Variants in RIMS1 observed in about 807,000 individuals in gnomAD.
The protein encoded by RIMS1 is regulating synaptic membrane exocytosis protein 1.
Under a neutral mutation model 214.1 loss-of-function variants are expected in RIMS1, and 83 were observed. The observed-to-expected ratio is 0.39, with a 90% confidence interval of 0.32 to 0.47. The LOEUF (loss-of-function observed/expected upper bound fraction) is 0.47, where lower values mean the gene tolerates loss of function less well. RIMS1 is among the 20% of genes least tolerant of loss of function. RIMS1 has a pLI of 0.99. For missense variants in RIMS1, 2,050 were observed against 2,161.8 expected (o/e 0.95, Z 1.03); for synonymous variants, 793 against 786.8 (o/e 1.01, Z -0.13).
At position 72,265,500 on chromosome 6, in the gene RIMS1, T is replaced by C; in HGVS notation, c.3305T>C (p.Val1102Ala). The change falls in exon 21 of 34, where the codon GTT becomes GCT. Residue 1102 changes from valine to alanine, a missense_variant. Coordinates refer to ENST00000521978, the MANE Select transcript of RIMS1 (RefSeq NM_014989.7). ...TVLRFTDEIL[V>A]SELQPFLDRA... is the part of the protein sequence containing the mutation. Reference sequence around the variant, plus strand: ...TTGAGATTTACTGATGAAATACTGGTTAGGTAAGAACATTTGGAAGTGATA... The same window carrying C: ...TTGAGATTTACTGATGAAATACTGGCTAGGTAAGAACATTTGGAAGTGATA... 1 of 1,529,602 alleles carries C rather than the reference T, an allele frequency of 6.5e-7. No homozygotes were observed. The highest frequency in any genetic ancestry group is 9.0e-7 in the Non-Finnish European group (1 of 1,105,682). 94.8% of individuals were successfully genotyped at this position (1,529,602 alleles called of 1,614,324 possible).
intron 4 of RIMS1, 164 bp from the exon 5 acceptor site, chr6:72,179,411 A>G: frequency 1.4e-6 from 1 of 697,588 alleles, no homozygotes; most frequent in East Asian, 2.8e-5. Flanking sequence ...CTAGGCATTC[A>G]TATATTTGAC....
At chr6:72,252,873 T>G (rs752032113) in intron 16 of RIMS1, 41 bp downstream of exon 16, 89 of 1,471,544 alleles carry the variant, frequency 6.0e-5, no homozygotes, top group Non-Finnish European at 8.0e-5. Flanking sequence ...ACTGTGCTGC[T>G]TTGCTTGTTT....
chr6:72,392,860 C>A (rs1564834858), intron 31 of RIMS1, 50 bp downstream of exon 31: 4 of 1,292,896 alleles, frequency 3.1e-6, no homozygotes, highest in Non-Finnish European at 3.3e-6. Context: ...TTGTGTTTGA[C>A]AAAGTCATTT....
chr6:72,182,935 G>A lies in RIMS1; in HGVS notation c.1464G>A (p.Lys488=). 6.3e-7 allele frequency: 1 copy of A among 1,587,014 alleles called. No homozygotes were observed. The highest frequency in any genetic ancestry group is 8.6e-7 in the Non-Finnish European group (1 of 1,168,004). The part of the protein sequence containing the change: ...PSSAVLMRKA[K]REKVETMLRN... The stretch of plus-strand genomic sequence containing the variant: ...CGGCGGTCCTCATGCGGAAGGCCAA[G>A]CGCGAGAAGGTGGAGACCATGCTGC... Residue 488 remains lysine (K), a synonymous_variant, in exon 6 of 34, where the codon AAG becomes AAA. Transcript: ENST00000521978.
intron 30 of RIMS1, among the ~76,000 whole-genome samples, chr6:72,391,834 A>G (rs990879437): frequency 8.5e-5 from 13 of 152,246 alleles, no homozygotes; most frequent in African/African-American, 2.7e-4. Flanking sequence ...TATACAAATG[A>G]GACTTGAACA....
At chr6:72,052,603 A>G (rs1825014993) in intron 2 of RIMS1, among the ~76,000 whole-genome samples, 1 of 152,178 alleles carries the variant, frequency 6.6e-6, no homozygotes, top group African/African-American at 2.4e-5. Flanking sequence ...ACCAACCTAG[A>G]TTTTGTATTT....
rs1386223041 is a variant in RIMS1, at chr6:72,283,902, GTTTA to G, written c.3483-140_3483-137del. On this transcript the variant is annotated intron_variant, in intron 23 of 33. Coordinates refer to ENST00000521978, the MANE Select transcript of RIMS1 (RefSeq NM_014989.7). ...TATTCATTCATTCATTCATTTATTT[GTTTA>G]TTTAGTTTTGAAAAGTACTGACTGA... is the stretch of plus-strand genomic sequence containing the variant. 23 of 581,346 alleles carry G rather than the reference GTTTA, an allele frequency of 4.0e-5. No homozygotes were observed. The Admixed American group carries it at 6.2e-4, about 16-fold the overall frequency. 36.0% of individuals were successfully genotyped at this position (581,346 alleles called of 1,614,324 possible). A position where few individuals can be genotyped will look rare whatever the true frequency, so the allele number is the denominator to read the frequency against.
intron 4 of RIMS1, among the ~76,000 whole-genome samples, chr6:72,109,639 C>T (rs2035598078): frequency 6.6e-6 from 1 of 151,998 alleles, no homozygotes; most frequent in Non-Finnish European, 1.5e-5. Flanking sequence ...AATTTTCTCC[C>T]ATTTTGTAGG....
intron 6 of RIMS1, among the ~76,000 whole-genome samples, chr6:72,227,158 T>A (rs1328468518): frequency 6.6e-6 from 1 of 152,024 alleles, no homozygotes; most frequent in Non-Finnish European, 1.5e-5. Flanking sequence ...TAGCATATAA[T>A]GTTGATGGAG....
intron 2 of RIMS1, among the ~76,000 whole-genome samples, chr6:71,992,679 G>A (rs902117943): frequency 1.4e-5 from 2 of 147,806 alleles, no homozygotes; most frequent in Non-Finnish European, 3.0e-5. Context: ...TTGAGGCTCA[G>A]TTTTACTCTG....
chr6:72,097,128 G>A lies in RIMS1; in HGVS notation c.425G>A (p.Arg142His). The A allele has an allele frequency of 1.2e-6, 2 of 1,613,966 alleles. No individual in the cohort carries two copies. Among genetic ancestry groups the A allele is most frequent in the Non-Finnish European group, 1.7e-6 (2 of 1,179,874 alleles). The change falls in exon 3 of 34, where the codon CGC (arginine) becomes CAC (histidine). Residue 142 changes from arginine to histidine, a missense_variant. This residue lies in a region of RIMS1 where 882 missense variants were observed against 828.9 expected (regional missense o/e 1.06). Coordinates refer to ENST00000521978, the MANE Select transcript of RIMS1 (RefSeq NM_014989.7). ...CSYCRTKFCA[R>H]CGGRVSLRSN... The stretch of plus-strand genomic sequence containing the variant: ...TATTGTCGCACTAAGTTCTGTGCGC[G>A]CTGCGGAGGCCGCGTGTCTCTACGG...
Position 72,145,876 on chromosome 6 carries a change from G to C in RIMS1, c.472-33699G>C, listed in dbSNP as rs192904608. ...GATTCTTATTGCACTTATGCAAATA[G>C]CTATATTGTCATAAGTTAAGAATAC... On this transcript the variant is annotated intron_variant, in intron 4 of 33. Coordinates refer to ENST00000521978, the MANE Select transcript of RIMS1 (RefSeq NM_014989.7). Among the ~76,000 whole-genome samples the C allele has an allele frequency of 3.9e-4, 59 of 152,344 alleles. No homozygotes were observed. The East Asian group carries it at 0.011, about 28-fold the overall frequency.
At chr6:72,028,192 G>A (rs1471922489) in intron 2 of RIMS1, among the ~76,000 whole-genome samples, 1 of 152,012 alleles carries the variant, frequency 6.6e-6, no homozygotes, top group Non-Finnish European at 1.5e-5. Flanking sequence ...TATTAATTTA[G>A]TAAAAAGAAT....
chr6:72,266,106 T>G (rs1199553338), intron 22 of RIMS1, 57 bp downstream of exon 22: 1 of 1,272,712 alleles, frequency 7.9e-7, no homozygotes, highest in Non-Finnish European at 1.1e-6. Flanking sequence ...TTTTTTTCAG[T>G]CACTTTGTTT....
chr6:72,296,151 GAAGAT>G (rs1325032576), intron 26 of RIMS1, among the ~76,000 whole-genome samples: 1 of 151,144 alleles, frequency 6.6e-6, no homozygotes, highest in Non-Finnish European at 1.5e-5. Flanking sequence ...TCAAAGAAGA[GAAGAT>G]TACTTTAAAA....
intron 2 of RIMS1, among the ~76,000 whole-genome samples, chr6:72,080,074 TAAAAAAAAAAAAA>T (rs770845471): frequency 9.4e-4 from 21 of 22,404 alleles, no homozygotes; most frequent in South Asian, 6.3e-3. Context: ...GTGTCTCTAC[TAAAAAAAAAAAAA>T]AAAAAAAAAA....
Position 72,259,321 on chromosome 6 carries a change from T to G in RIMS1, c.3053+210T>G, listed in dbSNP as rs889431198. ...ATATTGTTATAATTATCCAATTTCT[T>G]TTACAAAATCAGAATTTATGCTTAG... is the stretch of plus-strand genomic sequence containing the variant. On this transcript the variant is annotated intron_variant, in intron 18 of 33. Coordinates refer to ENST00000521978, the MANE Select transcript of RIMS1 (RefSeq NM_014989.7). Among the ~76,000 whole-genome samples the G allele has an allele frequency of 5.9e-5, 9 of 152,276 alleles. No individual in the cohort carries two copies. In the East Asian group the frequency reaches 1.7e-3, roughly 29 times the overall value.
At chr6:72,049,269 T>C (rs1823945641) in intron 2 of RIMS1, among the ~76,000 whole-genome samples, 2 of 152,200 alleles carry the variant, frequency 1.3e-5, no homozygotes, top group East Asian at 1.9e-4. Context: ...TTTTTTTTTT[T>C]CCTTATGTGT....
At chr6:71,944,416 G>A (rs766799628) in intron 1 of RIMS1, among the ~76,000 whole-genome samples, 4 of 152,124 alleles carry the variant, frequency 2.6e-5, no homozygotes, top group Non-Finnish European at 5.9e-5. Context: ...AGGACAAGCC[G>A]GCACTTGTCG....
Sources: gnomAD v4.1 joint callset for allele counts (sites outside exome capture counted in the v4.1 genomes callset) on GRCh38, gnomAD v4.1.1 for gene constraint, gnomAD v4.1.1 regional missense constraint, MANE v1.5 for transcripts, NCBI Gene and HGNC (gene_info 2026-07-23, HGNC 2026-07-21) for gene names.